TRDN: variants seen among roughly 807,000 people sequenced by gnomAD.
TRDN encodes the protein triadin in skeletal muscle.
Under a neutral mutation model 149.7 loss-of-function variants are expected in TRDN, and 161 were observed. The ratio of observed to expected loss-of-function variants is 1.08; its 90% CI spans 0.95 to 1.23. The LOEUF (loss-of-function observed/expected upper bound fraction) is 1.23, where lower values mean the gene tolerates loss of function less well. Among genes scored for constraint, TRDN ranks in the 50% most tolerant of loss-of-function variants. TRDN has a pLI of 0.00. For synonymous variants in TRDN, 294 were observed against 250.5 expected, an observed-to-expected ratio of 1.17 and a Z score of -1.64; for missense variants, 896 against 823.5, an observed-to-expected ratio of 1.09 and a Z score of -1.08.
chr6:123,387,692 T>G (rs1781959140), intron 14 of TRDN, among the ~76,000 whole-genome samples: 1 of 152,106 alleles, frequency 6.6e-6, no homozygotes, highest in Non-Finnish European at 1.5e-5. Flanking sequence ...TTGATCTAGT[T>G]TACATGAGAA....
At position 123,583,988 on chromosome 6, in the gene TRDN, T is replaced by G. The variant is rs188500887; in HGVS notation, c.23-12856A>C. On this transcript the variant is annotated intron_variant, in intron 1 of 40. Coordinates refer to ENST00000334268, the MANE Select transcript of TRDN (RefSeq NM_006073.4). Reference sequence around the variant, plus strand: ...AAAGAGGCGGGATAGTGGCTTGTACTATAGCATAGCCTGCCTTTGCTGGTG... The same window carrying G: ...AAAGAGGCGGGATAGTGGCTTGTACGATAGCATAGCCTGCCTTTGCTGGTG... The G allele has an allele frequency of 2.9e-3, 538 of 185,474 alleles. 4 individuals carry two copies. The highest frequency in any genetic ancestry group is 0.012 in the African/African-American group (500 of 42,102). 11.5% of individuals were successfully genotyped at this position (185,474 alleles called of 1,614,324 possible). A position where few individuals can be genotyped will look rare whatever the true frequency, so the allele number is the denominator to read the frequency against.
chr6:123,244,461 A>T (rs1776102747), intron 38 of TRDN, among the ~76,000 whole-genome samples: 1 of 152,162 alleles, frequency 6.6e-6, no homozygotes. Flanking sequence ...ACAAGTATCA[A>T]TAGCCAAACT....
intron 20 of TRDN, among the ~76,000 whole-genome samples, chr6:123,365,542 G>A (rs1438681968): frequency 6.6e-6 from 1 of 152,128 alleles, no homozygotes; most frequent in Admixed American, 6.5e-5. Context: ...TGGAGTATGT[G>A]TGTAAGGGTA....
At chr6:123,522,274 T>C (rs1779719519) in intron 5 of TRDN, among the ~76,000 whole-genome samples, 1 of 152,108 alleles carries the variant, frequency 6.6e-6, no homozygotes, top group African/African-American at 2.4e-5. Flanking sequence ...ACATATTTAG[T>C]TATATATTTA....
chr6:123,413,490 T>A (rs1023380091), intron 12 of TRDN, among the ~76,000 whole-genome samples: 1 of 152,170 alleles, frequency 6.6e-6, no homozygotes, highest in South Asian at 2.1e-4. Context: ...GAATTGACCA[T>A]TACTCAAAAT....
chr6:123,529,471 G>C, intron 5 of TRDN: 3 of 1,011,134 alleles, frequency 3.0e-6, no homozygotes, highest in Non-Finnish European at 4.5e-6. Flanking sequence ...CATAATATCT[G>C]TAGAATGATT....
At chr6:123,485,637 C>T (rs192817460) in intron 9 of TRDN, among the ~76,000 whole-genome samples, 2 of 152,072 alleles carry the variant, frequency 1.3e-5, no homozygotes, top group African/African-American at 4.8e-5. Context: ...ATGGGAACCA[C>T]CATCCACACC....
At chr6:123,533,565 T>G (rs1380270820) in intron 4 of TRDN, among the ~76,000 whole-genome samples, 1 of 151,972 alleles carries the variant, frequency 6.6e-6, no homozygotes, top group Non-Finnish European at 1.5e-5. Context: ...AGAAAACAGA[T>G]GAAAGAAGTA....
At chr6:123,601,619 T>C (rs1430667777) in intron 1 of TRDN, among the ~76,000 whole-genome samples, 1 of 152,072 alleles carries the variant, frequency 6.6e-6, no homozygotes, top group Non-Finnish European at 1.5e-5. Flanking sequence ...CAGAGCTCAG[T>C]GTTTCTTGCA....
At chr6:123,547,706 T>A (rs1254236506) in intron 3 of TRDN, among the ~76,000 whole-genome samples, 1 of 152,028 alleles carries the variant, frequency 6.6e-6, no homozygotes, top group East Asian at 1.9e-4. Flanking sequence ...GGAAAAGTTA[T>A]AAAAATACTC....
intron 19 of TRDN, 22 bp from the exon 20 acceptor site, chr6:123,366,204 G>T (rs755933207): frequency 6.2e-7 from 1 of 1,610,414 alleles, no homozygotes; most frequent in South Asian, 1.1e-5. Context: ...GATATTAAAG[G>T]AATGAGAAGT....
chr6:123,625,921 A>G (rs1369456554), intron 1 of TRDN, among the ~76,000 whole-genome samples: 1 of 152,148 alleles, frequency 6.6e-6, no homozygotes, highest in Non-Finnish European at 1.5e-5. Context: ...AAATAAGACA[A>G]GAGTGAAGTT....
chr6:123,271,994 G>A (rs1288812537), intron 29 of TRDN, among the ~76,000 whole-genome samples: 1 of 151,800 alleles, frequency 6.6e-6, no homozygotes, highest in South Asian at 2.1e-4. Context: ...AGGAGCTTCT[G>A]AAAGTTGTTT....
intron 2 of TRDN, among the ~76,000 whole-genome samples, chr6:123,555,799 A>C (rs995668925): frequency 2.0e-5 from 3 of 152,196 alleles, no homozygotes; most frequent in Admixed American, 1.3e-4. Context: ...TGACTAACTG[A>C]TAGCAATTTG....
chr6:123,600,933 A>T (rs1377733860), intron 1 of TRDN, among the ~76,000 whole-genome samples: 1 of 152,120 alleles, frequency 6.6e-6, no homozygotes, highest in Non-Finnish European at 1.5e-5. Flanking sequence ...AAACAAAAAA[A>T]TTATTATTTA....
At chr6:123,249,137 A>G (rs923465125) in intron 38 of TRDN, among the ~76,000 whole-genome samples, 2 of 152,140 alleles carry the variant, frequency 1.3e-5, no homozygotes, top group African/African-American at 4.8e-5. Context: ...GGGCAAATGA[A>G]CAGACATCTC....
rs118108569 is a variant in TRDN at position 123,311,623 on chromosome 6, G to A, written c.1510+4834C>T. ...CTCTAATTCAGTCTCTAGATCAGTA[G>A]GCCATAAGAACTTTTAAGGGTCGTT... On this transcript the variant is annotated intron_variant, in intron 24 of 40. Transcript: ENST00000334268. 3.4e-3 allele frequency among the ~76,000 whole-genome samples: 518 copies of A among 152,060 alleles called. 2 individuals carry two copies. Among genetic ancestry groups the A allele is most frequent in the Non-Finnish European group, 6.3e-3 (428 of 67,960 alleles).
chr6:123,289,854 C>T (rs1777939037), intron 24 of TRDN, among the ~76,000 whole-genome samples: 1 of 152,060 alleles, frequency 6.6e-6, no homozygotes, highest in Non-Finnish European at 1.5e-5. Flanking sequence ...GAGCCAGAAT[C>T]AGTGTGCCTG....
intron 7 of TRDN, 117 bp from the exon 8 acceptor site, chr6:123,504,018 A>G (rs1287819529): frequency 2.6e-6 from 3 of 1,139,934 alleles, no homozygotes; most frequent in Non-Finnish European, 2.4e-6. Flanking sequence ...GTAAGTCACA[A>G]GTGTTTATGT....
Sources: allele counts gnomAD v4.1 joint callset (sites outside exome capture counted in the v4.1 genomes callset), GRCh38; gene constraint gnomAD v4.1.1; transcripts MANE v1.5; gene names NCBI Gene and HGNC (gene_info 2026-07-23, HGNC 2026-07-21).